The following ABCA12 variants were observed in gnomAD, a reference collection of about 807,000 sequenced individuals.
The protein encoded by ABCA12 is glucosylceramide transporter ABCA12.
A neutral mutation model predicts 293.5 loss-of-function variants in ABCA12; 156 were observed. That is an observed-to-expected ratio of 0.53 (90% CI 0.47 to 0.61). The LOEUF is 0.61. ABCA12 is among the 20% of genes least tolerant of loss of function. The pLI is 0.00. For missense variants in ABCA12, 2,797 were observed against 3,090.2 expected (o/e 0.91, Z 2.25); for synonymous variants, 1,063 against 1,108.0 (o/e 0.96, Z 0.81).
chr2:214,989,695 T>C, intron 24 of ABCA12, 74 bp from the exon 25 acceptor site: 2 of 1,523,660 alleles, frequency 1.3e-6, no homozygotes, highest in South Asian at 2.4e-5. Flanking sequence ...CCTAAAATAC[T>C]TAAAACTTTG....
chr2:215,116,055 G>A (rs1248733670), intron 1 of ABCA12, among the ~76,000 whole-genome samples: 1 of 152,176 alleles, frequency 6.6e-6, no homozygotes, highest in East Asian at 1.9e-4. Context: ...ATAACAATTG[G>A]AAAAGAAGGA....
chr2:215,002,559 A>C (rs1449224866), intron 20 of ABCA12, among the ~76,000 whole-genome samples: 1 of 152,224 alleles, frequency 6.6e-6, no homozygotes, highest in Non-Finnish European at 1.5e-5. Context: ...GAACCCAGAC[A>C]TGTCTCTTAC....
intron 8 of ABCA12, among the ~76,000 whole-genome samples, chr2:215,035,537 G>C (rs865883754): frequency 2.6e-4 from 40 of 151,732 alleles, no homozygotes; most frequent in African/African-American, 8.2e-4. Flanking sequence ...GGCGTGGTAG[G>C]CGCCTGTAAT....
In ABCA12 at chr2:214,958,912, C is replaced by A. The variant is rs1699033291; in HGVS notation, c.5939+112G>T. 5 of 1,147,404 alleles carry A rather than the reference C, an allele frequency of 4.4e-6. No individual in the cohort carries two copies. In the Admixed American group the frequency reaches 8.5e-5, roughly 19 times the overall value. 71.1% of individuals were successfully genotyped at this position (1,147,404 alleles called of 1,614,324 possible). On this transcript the variant is annotated intron_variant, in intron 40 of 52. Coordinates refer to ENST00000272895, the MANE Select transcript of ABCA12 (RefSeq NM_173076.3). Reference sequence around the variant, plus strand: ...TCCCAGTCAGTGACATATTACCAGCCCTTCTAGATTGACATTCATTCAGAT... The same window carrying A: ...TCCCAGTCAGTGACATATTACCAGCACTTCTAGATTGACATTCATTCAGAT...
intron 51 of ABCA12, among the ~76,000 whole-genome samples, chr2:214,935,613 ATAGTGAGAT>A (rs2105909009): frequency 6.6e-6 from 1 of 152,248 alleles, no homozygotes; most frequent in African/African-American, 2.4e-5. Flanking sequence ...CTTGGGCAAC[ATAGTGAGAT>A]TCTGTCTCTA....
In ABCA12 at chr2:215,134,426, GTA is replaced by G. The variant is rs1270596613; in HGVS notation, c.69+3712_69+3713del. Among the ~76,000 whole-genome samples the G allele has an allele frequency of 7.8e-5, 11 of 140,198 alleles. No homozygotes were observed. The East Asian group carries it at 8.1e-4, about 10-fold the overall frequency. 92.0% of individuals were successfully genotyped at this position (140,198 alleles called of 152,430 possible). On this transcript the variant is annotated intron_variant, in intron 1 of 52. Transcript: ENST00000272895. ...TATATATGTATATATGTACATATAT[GTA>G]TATGTGTATATATACGTATATATGT...
intron 50 of ABCA12, 60 bp from the exon 51 acceptor site, chr2:214,937,675 G>A: frequency 8.0e-7 from 1 of 1,243,750 alleles, no homozygotes; most frequent in African/African-American, 1.5e-5. Context: ...AGCTCCTCTG[G>A]AATTCTAGAT....
chr2:214,971,476 C>A (rs1325675287), intron 36 of ABCA12, among the ~76,000 whole-genome samples: 1 of 152,048 alleles, frequency 6.6e-6, no homozygotes, highest in Non-Finnish European at 1.5e-5. Context: ...AGAACAGGAC[C>A]CATACCTCAG....
At chr2:214,975,700 C>T in intron 34 of ABCA12, 85 bp downstream of exon 34, 1 of 1,563,218 alleles carries the variant, frequency 6.4e-7, no homozygotes, top group Non-Finnish European at 8.8e-7. Flanking sequence ...CTTTATTCTC[C>T]AGATCTCATG....
At chr2:215,060,171 C>T (rs779561760) in intron 3 of ABCA12, among the ~76,000 whole-genome samples, 7 of 152,074 alleles carry the variant, frequency 4.6e-5, no homozygotes, top group Non-Finnish European at 8.8e-5. Flanking sequence ...AACAGACATT[C>T]ATTACATTTA....
intron 23 of ABCA12, among the ~76,000 whole-genome samples, chr2:214,994,809 G>T (rs998855804): frequency 1.3e-5 from 2 of 152,000 alleles, no homozygotes; most frequent in Non-Finnish European, 2.9e-5. Flanking sequence ...TTTAATTCTT[G>T]GTAACACCTC....
At chr2:215,054,040 C>T (rs1701371607) in intron 4 of ABCA12, among the ~76,000 whole-genome samples, 1 of 152,022 alleles carries the variant, frequency 6.6e-6, no homozygotes, top group Non-Finnish European at 1.5e-5. Context: ...GAAGCAAGTC[C>T]ACAGTCACAC....
At chr2:215,118,010 A>G (rs184741747) in intron 1 of ABCA12, among the ~76,000 whole-genome samples, 71 of 152,328 alleles carry the variant, frequency 4.7e-4, no homozygotes, top group Non-Finnish European at 7.5e-4. Context: ...AATGAAGTGC[A>G]TGGTGTACTT....
At chr2:215,129,205 T>A (rs1702996763) in intron 1 of ABCA12, among the ~76,000 whole-genome samples, 1 of 152,160 alleles carries the variant, frequency 6.6e-6, no homozygotes, top group South Asian at 2.1e-4. Context: ...TGTGGAGGTG[T>A]GTGATCAGGA....
Position 215,037,070 on chromosome 2 carries a change from G to C in ABCA12, c.873-5C>G. The C allele has an allele frequency of 6.2e-7, 1 of 1,612,932 alleles. No individual in the cohort carries two copies. Among genetic ancestry groups the C allele is most frequent in the South Asian group, 1.1e-5 (1 of 91,052 alleles). ...TTCTGCACAACCAGCAGCACACTAA[G>C]GAGTCAAAAAGCAATTAAACCAGAT... On this transcript the variant is annotated splice_polypyrimidine_tract_variant and splice_region_variant and intron_variant, in intron 7 of 52. Coordinates refer to ENST00000272895, the MANE Select transcript of ABCA12 (RefSeq NM_173076.3).
rs755299643 is a variant in ABCA12, at chr2:214,949,054, G to T, written c.6948C>A (p.Ile2316=). The change falls in exon 46 of 53, where the codon ATC becomes ATA. Residue 2316 remains isoleucine (I), a synonymous_variant. Coordinates refer to ENST00000272895, the MANE Select transcript of ABCA12 (RefSeq NM_173076.3). ...DIIPSSGNIL[I]RNKTGSLGHV... is the part of the protein sequence containing the mutation. ...GTTTTTCATACCCGGTCTTATTTCT[G>T]ATCAGAATGTTTCCACTTGAAGGAA... 2 of 1,613,170 alleles carry T rather than the reference G, an allele frequency of 1.2e-6. No individual in the cohort carries two copies. The highest frequency in any genetic ancestry group is 1.7e-5 in the Admixed American group (1 of 59,974).
chr2:215,028,445 G>A (rs1219696500), intron 9 of ABCA12, among the ~76,000 whole-genome samples: 2 of 152,176 alleles, frequency 1.3e-5, no homozygotes, highest in African/African-American at 2.4e-5. Flanking sequence ...TTTTACAAGC[G>A]CTCATGCTTG....
chr2:214,948,469 CAAT>C (rs1300145819), intron 47 of ABCA12, 124 bp downstream of exon 47: 1 of 992,084 alleles, frequency 1.0e-6, no homozygotes, highest in East Asian at 2.7e-5. Context: ...AGGAAAATGA[CAAT>C]GTTTTCCAGG....
At chr2:214,953,422 T>G (rs1053693546) in intron 44 of ABCA12, among the ~76,000 whole-genome samples, 9 of 152,224 alleles carry the variant, frequency 5.9e-5, no homozygotes, top group African/African-American at 2.2e-4. Flanking sequence ...TTCTCATTTA[T>G]GATGCTGTCT....
Sources: gnomAD v4.1 joint callset for allele counts (sites outside exome capture counted in the v4.1 genomes callset) on GRCh38, gnomAD v4.1.1 for gene constraint, MANE v1.5 for transcripts, NCBI Gene and HGNC (gene_info 2026-07-23, HGNC 2026-07-21) for gene names.